The following MSRA variants were observed in gnomAD, a reference collection of about 807,000 sequenced individuals.
MSRA encodes the protein mitochondrial peptide methionine sulfoxide reductase.
Under a neutral mutation model 31.3 loss-of-function variants are expected in MSRA, and 54 were observed. The ratio of observed to expected loss-of-function variants is 1.73; its 90% CI spans 1.39 to 2.17. The LOEUF (loss-of-function observed/expected upper bound fraction) is 2.17. MSRA is among the 30% of genes most tolerant of loss of function. The probability of loss-of-function intolerance (pLI) is 0.00; values close to 1 mark genes in which losing one functional copy is unlikely to be tolerated. For synonymous variants in MSRA, 169 were observed against 116.5 expected (o/e 1.45, Z -2.90); for missense variants, 507 against 300.9 (o/e 1.69, Z -5.07).
intron 1 of MSRA, among the ~76,000 whole-genome samples, chr8:10,149,901 G>GT (rs1364235344): frequency 0.19 from 1,115 of 5,724 alleles, 147 homozygotes; most frequent in African/African-American, 0.21. Context: ...CACTAAGGTG[G>GT]TTTTTTTTTT....
intron 5 of MSRA, among the ~76,000 whole-genome samples, chr8:10,371,762 G>T (rs1805491179): frequency 6.6e-6 from 1 of 152,176 alleles, no homozygotes; most frequent in Admixed American, 6.5e-5. Context: ...AACCACGTCT[G>T]CCTTCTCCGC....
At chr8:10,177,072 T>C (rs943675003) in intron 1 of MSRA, among the ~76,000 whole-genome samples, 5 of 152,230 alleles carry the variant, frequency 3.3e-5, no homozygotes, top group African/African-American at 9.6e-5. Flanking sequence ...TTGTTCAGTT[T>C]ATTACGTGCT....
At chr8:10,256,324 A>G (rs1798176929) in intron 3 of MSRA, among the ~76,000 whole-genome samples, 1 of 152,174 alleles carries the variant, frequency 6.6e-6, no homozygotes, top group African/African-American at 2.4e-5. Flanking sequence ...AGCACTGAAT[A>G]ATATTCCATG....
intron 5 of MSRA, among the ~76,000 whole-genome samples, chr8:10,394,205 A>G (rs2001365): frequency 0.21 from 31,737 of 152,152 alleles, 4,723 homozygotes; most frequent in East Asian, 0.74. Context: ...GGGCCATTCA[A>G]TGTTTTTATT....
At chr8:10,390,658 C>G (rs1806683938) in intron 5 of MSRA, among the ~76,000 whole-genome samples, 1 of 152,180 alleles carries the variant, frequency 6.6e-6, no homozygotes, top group Non-Finnish European at 1.5e-5. Context: ...AGACTTTGCA[C>G]TGGCCTGCTG....
chr8:10,072,126 C>T lies in MSRA; in HGVS notation c.142+17468C>T, dbSNP rs1052635436. Among the ~76,000 whole-genome samples, 4 of 152,026 alleles carry T rather than the reference C, an allele frequency of 2.6e-5. No homozygotes were observed. In the East Asian group the frequency reaches 7.8e-4, roughly 29 times the overall value. ...ATGTGACACACACCCTTAAGCAGAA[C>T]AAAGGCGCACACATGAGCTTGCAGC... On this transcript the variant is annotated intron_variant, in intron 1 of 5. Coordinates refer to ENST00000317173, the MANE Select transcript of MSRA (RefSeq NM_012331.5).
intron 3 of MSRA, among the ~76,000 whole-genome samples, chr8:10,264,441 C>T (rs532783460): frequency 5.3e-5 from 8 of 152,304 alleles, no homozygotes; most frequent in East Asian, 1.9e-4. Context: ...AGCATTGAAT[C>T]TTTTTCAAAA....
At chr8:10,254,532 A>G (rs908864125) in intron 3 of MSRA, among the ~76,000 whole-genome samples, 2 of 152,182 alleles carry the variant, frequency 1.3e-5, no homozygotes, top group African/African-American at 2.4e-5. Context: ...TGCCATGACC[A>G]CTTTGTAATC....
intron 2 of MSRA, 27 bp from the exon 3 acceptor site, chr8:10,245,077 C>A (rs890922476): frequency 4.4e-6 from 7 of 1,586,488 alleles, no homozygotes; most frequent in African/African-American, 1.4e-5. Flanking sequence ...AATCAGTATC[C>A]TTTTTTTTTC....
At chr8:10,201,627 A>G (rs112993338) in intron 1 of MSRA, among the ~76,000 whole-genome samples, 1 of 152,222 alleles carries the variant, frequency 6.6e-6, no homozygotes, top group African/African-American at 2.4e-5. Context: ...GCCCTTTTCA[A>G]GGAAGAAAGT....
At chr8:10,061,422 C>G (rs1213429094) in intron 1 of MSRA, among the ~76,000 whole-genome samples, 7 of 152,154 alleles carry the variant, frequency 4.6e-5, no homozygotes, top group Admixed American at 4.6e-4. Flanking sequence ...TCTCTCCAAC[C>G]TAAGTGATCT....
chr8:10,121,316 G>T (rs967057890), intron 1 of MSRA, among the ~76,000 whole-genome samples: 1 of 152,210 alleles, frequency 6.6e-6, no homozygotes, highest in Non-Finnish European at 1.5e-5. Context: ...CTAGGGCCTG[G>T]AGAAGGACTT....
intron 1 of MSRA, among the ~76,000 whole-genome samples, chr8:10,137,044 A>T (rs1460655149): frequency 6.6e-6 from 1 of 152,154 alleles, no homozygotes; most frequent in African/African-American, 2.4e-5. Context: ...GTAACCTGTG[A>T]TGTGCGTTGG....
intron 5 of MSRA, among the ~76,000 whole-genome samples, chr8:10,321,026 C>T (rs897461327): frequency 2.0e-5 from 3 of 152,112 alleles, no homozygotes; most frequent in Admixed American, 1.3e-4. Context: ...CGATTCAACC[C>T]ATAACACTTT....
chr8:10,095,517 A>G (rs1799092010), intron 1 of MSRA: 4 of 985,540 alleles, frequency 4.1e-6, no homozygotes, highest in Non-Finnish European at 3.6e-6. Flanking sequence ...ACCTCCGCCA[A>G]GACTGCTCGG....
At chr8:10,118,275 C>A (rs761380913) in intron 1 of MSRA, among the ~76,000 whole-genome samples, 24 of 152,236 alleles carry the variant, frequency 1.6e-4, no homozygotes, top group Non-Finnish European at 3.1e-4. Context: ...ATGACTCTTT[C>A]ATTCATTTAT....
chr8:10,171,772 T>TCTC, intron 1 of MSRA, among the ~76,000 whole-genome samples: 1 of 152,338 alleles, frequency 6.6e-6, no homozygotes, highest in Non-Finnish European at 1.5e-5. Flanking sequence ...GGTAGTGGAA[T>TCTC]TTGTACAAAG....
intron 1 of MSRA, among the ~76,000 whole-genome samples, chr8:10,055,863 C>G (rs899350258): frequency 6.6e-6 from 1 of 152,072 alleles, no homozygotes; most frequent in Non-Finnish European, 1.5e-5. Flanking sequence ...GTGTGACTGG[C>G]TTATTATTAA....
At position 10,248,549 on chromosome 8, in the gene MSRA, T is replaced by A. The variant is rs962335665; in HGVS notation, c.331+3326T>A. Among the ~76,000 whole-genome samples the A allele has an allele frequency of 5.3e-5, 8 of 152,176 alleles. No homozygotes were observed. The East Asian group carries it at 1.2e-3, about 22-fold the overall frequency. ...GCTGTGCCAGTGGGTCTGCACAGCC[T>A]CAACAGGGGAGAAGTGAGCGAGAGA... On this transcript the variant is annotated intron_variant, in intron 3 of 5. Coordinates refer to ENST00000317173, the MANE Select transcript of MSRA (RefSeq NM_012331.5).
Sources: allele counts gnomAD v4.1 joint callset (sites outside exome capture counted in the v4.1 genomes callset), GRCh38; gene constraint gnomAD v4.1.1; transcripts MANE v1.5; gene names NCBI Gene and HGNC (gene_info 2026-07-23, HGNC 2026-07-21).